The following PRKDC variants were observed in gnomAD, a reference collection of about 807,000 sequenced individuals.
The protein encoded by PRKDC is protein kinase, DNA-activated, catalytic subunit, also known as DNA-dependent protein kinase catalytic subunit.
A neutral mutation model predicts 486.9 loss-of-function variants in PRKDC; 82 were observed. That is an observed-to-expected ratio of 0.17 (90% CI 0.14 to 0.20). The LOEUF (loss-of-function observed/expected upper bound fraction) is 0.20. Among genes scored for constraint, PRKDC ranks in the 10% least tolerant of loss-of-function variants. The probability of loss-of-function intolerance (pLI) is 1.00; values close to 1 mark genes in which losing one functional copy is unlikely to be tolerated. For missense variants in PRKDC, 4,504 were observed against 5,038.2 expected (o/e 0.89, Z 3.21); for synonymous variants, 1,895 against 1,837.0 (o/e 1.03, Z -0.81).
intron 68 of PRKDC, among the ~76,000 whole-genome samples, chr8:47,808,620 G>A (rs900248774): frequency 5.9e-5 from 9 of 152,016 alleles, no homozygotes; most frequent in East Asian, 3.9e-4. Flanking sequence ...AACAATAGGC[G>A]TGTGCCACCA....
At chr8:47,875,518 A>G (rs1466331417) in intron 40 of PRKDC, among the ~76,000 whole-genome samples, 2 of 152,180 alleles carry the variant, frequency 1.3e-5, no homozygotes, top group East Asian at 3.8e-4. Flanking sequence ...TTACTAATTT[A>G]AATCTTTCCT....
chr8:47,800,950 A>G lies in PRKDC; in HGVS notation c.9959T>C (p.Ile3320Thr). ...NNVSSYLSKN[I>T]LAFRDQNILL... ...AATGTTCTGGTCACGGAAAGCCAGA[A>G]TATTTTTGCTTAAGTAGCTTGACAC... Residue 3320 changes from isoleucine (I) to threonine (T), a missense_variant, in exon 71 of 86, where the codon ATT becomes ACT. Ile to Thr is a moderately conservative substitution (Grantham distance 89). Transcript: ENST00000314191. 3.1e-6 allele frequency: 5 copies of G among 1,613,982 alleles called. No homozygotes were observed. The highest frequency in any genetic ancestry group is 4.2e-6 in the Non-Finnish European group (5 of 1,179,886).
At position 47,912,493 on chromosome 8, in the gene PRKDC, C is replaced by G; in HGVS notation, c.2851G>C (p.Gly951Arg). 1 of 1,612,820 alleles carries G rather than the reference C, an allele frequency of 6.2e-7. No individual in the cohort carries two copies. Among genetic ancestry groups the G allele is most frequent in the South Asian group, 1.1e-5 (1 of 90,852 alleles). ...TACATGGGTGGGGCTCCCTGTCCCC[C>G]TTCTGGCATCTGCGTGGCTTTGCCC... is the stretch of plus-strand genomic sequence containing the variant. ...MLGKATQMPE[G>R]GQGAPPMYQL... The change falls in exon 25 of 86, where the codon GGG becomes CGG. Residue 951 changes from glycine (G) to arginine (R), a missense_variant. Gly to Arg is a moderately radical substitution (Grantham distance 125). Transcript: ENST00000314191.
At chr8:47,854,975 C>T (rs552522995) in intron 50 of PRKDC, among the ~76,000 whole-genome samples, 11 of 152,308 alleles carry the variant, frequency 7.2e-5, no homozygotes, top group South Asian at 2.1e-4. Flanking sequence ...CATGGGCCAA[C>T]GGAAGGTAGT....
At position 47,850,829 on chromosome 8, in the gene PRKDC, A is replaced by AGATG. The variant is rs545858029; in HGVS notation, c.7006-1330_7006-1327dup. Among the ~76,000 whole-genome samples the AGATG allele has an allele frequency of 1.6e-4, 25 of 152,154 alleles. No homozygotes were observed. The East Asian group carries it at 4.1e-3, about 25-fold the overall frequency. On this transcript the variant is annotated intron_variant, in intron 52 of 85. Transcript: ENST00000314191. The stretch of plus-strand genomic sequence containing the variant: ...TACTGACTTCTTTTTATTTTTTTTG[A>AGATG]GATGGAGTCTCACTCTGTCGCCCAG...
At chr8:47,816,265 T>G (rs948319573) in intron 68 of PRKDC, among the ~76,000 whole-genome samples, 1 of 151,858 alleles carries the variant, frequency 6.6e-6, no homozygotes, top group African/African-American at 2.4e-5. Flanking sequence ...CACGTGTGAT[T>G]TGCTAGCCTG....
At position 47,800,999 on chromosome 8, in the gene PRKDC, AAAAAC is replaced by A. The variant is rs576649177; in HGVS notation, c.9923-18_9923-14del. On this transcript the variant is annotated splice_polypyrimidine_tract_variant and intron_variant, in intron 70 of 85. Coordinates refer to ENST00000314191, the MANE Select transcript of PRKDC (RefSeq NM_006904.7). ...ACGTTGTTCTCATCTGTTGGATTAA[AAAAAC>A]AAAACAAAACAAAATTTTGTATGTG... 1.9e-4 allele frequency: 305 copies of A among 1,611,690 alleles called. 3 individuals carry two copies. In the African/African-American group the frequency reaches 3.7e-3, roughly 19 times the overall value.
intron 22 of PRKDC, among the ~76,000 whole-genome samples, chr8:47,917,852 T>C (rs529562242): frequency 4.6e-5 from 7 of 152,222 alleles, no homozygotes; most frequent in African/African-American, 1.7e-4. Flanking sequence ...TAGCTAAAAA[T>C]ATATTAATTT....
intron 28 of PRKDC, 53 bp downstream of exon 28, chr8:47,900,320 T>TTA: frequency 7.5e-7 from 1 of 1,336,268 alleles, no homozygotes. Flanking sequence ...AACTCCTCAT[T>TTA]GGGGAAACTC....
At chr8:47,888,700 T>A (rs756073062) in intron 33 of PRKDC, 50 bp from the exon 34 acceptor site, 3 of 1,502,376 alleles carry the variant, frequency 2.0e-6, no homozygotes, top group Non-Finnish European at 2.7e-6. Flanking sequence ...TCTCGTTAAA[T>A]TATCAAGATA....
chr8:47,883,611 T>C (rs185601985), intron 36 of PRKDC, among the ~76,000 whole-genome samples: 10 of 152,390 alleles, frequency 6.6e-5, no homozygotes, highest in Admixed American at 6.5e-4. Context: ...TCTTTCACTC[T>C]ACTCTCTGTG....
intron 80 of PRKDC, among the ~76,000 whole-genome samples, chr8:47,779,810 G>A (rs556070447): frequency 1.2e-4 from 18 of 151,996 alleles, no homozygotes; most frequent in African/African-American, 3.6e-4. Flanking sequence ...GGCTGGTCTC[G>A]AATGCCTGAC....
intron 38 of PRKDC, among the ~76,000 whole-genome samples, chr8:47,880,232 C>T (rs976011599): frequency 2.0e-5 from 3 of 152,132 alleles, no homozygotes; most frequent in East Asian, 1.9e-4. Flanking sequence ...GGTGCTGATT[C>T]GGTATGTGCT....
At chr8:47,819,763 G>C (rs539227155) in intron 66 of PRKDC, among the ~76,000 whole-genome samples, 59 of 152,136 alleles carry the variant, frequency 3.9e-4, no homozygotes, top group Non-Finnish European at 7.1e-4. Context: ...GGCTATCACT[G>C]CCTCGACTTG....
intron 69 of PRKDC, among the ~76,000 whole-genome samples, chr8:47,805,973 T>C (rs1589709321): frequency 6.6e-6 from 1 of 152,312 alleles, no homozygotes; most frequent in East Asian, 1.9e-4. Context: ...CTAGCCAGCA[T>C]GCATGGAACC....
chr8:47,796,887 TG>T (rs2086995817), intron 73 of PRKDC, among the ~76,000 whole-genome samples: 1 of 152,210 alleles, frequency 6.6e-6, no homozygotes. Flanking sequence ...CCACTGCACC[TG>T]GCTTTTTATT....
In PRKDC at chr8:47,881,554, G is replaced by A. The variant is rs775476957; in HGVS notation, c.4963-34C>T. 7.5e-6 allele frequency: 8 copies of A among 1,064,064 alleles called. No homozygotes were observed. The African/African-American group carries it at 1.1e-4, about 15-fold the overall frequency. 65.9% of individuals were successfully genotyped at this position (1,064,064 alleles called of 1,614,324 possible). On this transcript the variant is annotated intron_variant, in intron 37 of 85. Coordinates refer to ENST00000314191, the MANE Select transcript of PRKDC (RefSeq NM_006904.7). Reference sequence around the variant, plus strand: ...AGGAAAAGAAAAACAGGACACATTTGTATATTACATCTCTATTTCCTTTAG... The same window carrying A: ...AGGAAAAGAAAAACAGGACACATTTATATATTACATCTCTATTTCCTTTAG...
intron 67 of PRKDC, among the ~76,000 whole-genome samples, chr8:47,818,936 T>G (rs1002196514): frequency 6.6e-6 from 1 of 152,240 alleles, no homozygotes; most frequent in Admixed American, 6.5e-5. Context: ...AAGGCCTTCC[T>G]GATGTGGGCC....
At chr8:47,821,182 T>C (rs1187444980) in intron 65 of PRKDC, among the ~76,000 whole-genome samples, 1 of 152,200 alleles carries the variant, frequency 6.6e-6, no homozygotes, top group African/African-American at 2.4e-5. Flanking sequence ...GAACTACTTT[T>C]GGCTGGAAGA....
Sources: allele counts gnomAD v4.1 joint callset (sites outside exome capture counted in the v4.1 genomes callset), GRCh38; gene constraint gnomAD v4.1.1; transcripts MANE v1.5; gene names NCBI Gene and HGNC (gene_info 2026-07-23, HGNC 2026-07-21).